SHISA9: variants seen among roughly 807,000 people sequenced by gnomAD.
The protein encoded by SHISA9 is protein shisa-9.
A neutral mutation model predicts 38.0 loss-of-function variants in SHISA9; 13 were observed. The observed-to-expected ratio is 0.34, with a 90% CI of 0.22 to 0.54. SHISA9 has a LOEUF of 0.54. Among genes scored for constraint, SHISA9 ranks in the 20% least tolerant of loss-of-function variants. The pLI is 0.91. For missense variants in SHISA9, 538 were observed against 575.8 expected, an observed-to-expected ratio of 0.93 and a Z score of 0.67; for synonymous variants, 275 against 242.0, an observed-to-expected ratio of 1.14 and a Z score of -1.27.
At chr16:12,967,012 G>A (rs1400076935) in intron 2 of SHISA9, among the ~76,000 whole-genome samples, 1 of 152,176 alleles carries the variant, frequency 6.6e-6, no homozygotes, top group Admixed American at 6.5e-5. Flanking sequence ...ACATGGTCCT[G>A]TTCTAGAACT....
the SHISA9 span, among the ~76,000 whole-genome samples, chr16:13,280,341 G>C: frequency 4.0e-4 from 60 of 151,208 alleles, no homozygotes; most frequent in Non-Finnish European, 8.6e-4. Flanking sequence ...ATTGCTTTAG[G>C]CTTAAATAAC....
chr16:13,110,688 G>C (rs1056418170), intron 2 of SHISA9, among the ~76,000 whole-genome samples: 2 of 152,216 alleles, frequency 1.3e-5, no homozygotes, highest in African/African-American at 4.8e-5. Flanking sequence ...GCCAGCCAAA[G>C]AGCTGTGATG....
At chr16:13,073,888 C>T (rs1202275485) in intron 2 of SHISA9, among the ~76,000 whole-genome samples, 2 of 152,022 alleles carry the variant, frequency 1.3e-5, no homozygotes. Flanking sequence ...CCAGAAGAAA[C>T]CAAGTCTGTG....
the SHISA9 span, among the ~76,000 whole-genome samples, chr16:13,278,980 G>A: frequency 6.6e-6 from 1 of 151,956 alleles, no homozygotes; most frequent in East Asian, 1.9e-4. Flanking sequence ...TGTTTTTCTA[G>A]TCCCTTGAGG....
chr16:13,217,242 C>G (rs1465862371), intron 4 of SHISA9, among the ~76,000 whole-genome samples: 1 of 152,046 alleles, frequency 6.6e-6, no homozygotes, highest in African/African-American at 2.4e-5. Flanking sequence ...CTTGCCACTG[C>G]ACCCCAGCCT....
the SHISA9 span, among the ~76,000 whole-genome samples, chr16:13,505,835 C>T: frequency 6.6e-6 from 1 of 152,190 alleles, no homozygotes; most frequent in Non-Finnish European, 1.5e-5. Context: ...TTGCAGAAAC[C>T]TTTGTCCCCC....
chr16:13,083,717 A>G (rs1375635188), intron 2 of SHISA9, among the ~76,000 whole-genome samples: 2 of 152,140 alleles, frequency 1.3e-5, no homozygotes, highest in Non-Finnish European at 2.9e-5. Flanking sequence ...TGCCTTGTCT[A>G]TGGGCTGCTT....
At chr16:12,974,410 T>C (rs2141815735) in intron 2 of SHISA9, among the ~76,000 whole-genome samples, 1 of 150,544 alleles carries the variant, frequency 6.6e-6, no homozygotes, top group East Asian at 2.0e-4. Context: ...ACACAGACTA[T>C]AGTTTCTAAA....
intron 2 of SHISA9, among the ~76,000 whole-genome samples, chr16:12,972,996 A>G (rs2072104636): frequency 6.6e-6 from 1 of 152,066 alleles, no homozygotes; most frequent in Non-Finnish European, 1.5e-5. Flanking sequence ...GGTGCCTGTA[A>G]TCCCAGCTAC....
chr16:13,081,799 G>C, intron 2 of SHISA9, among the ~76,000 whole-genome samples: 1 of 150,224 alleles, frequency 6.7e-6, no homozygotes, highest in Non-Finnish European at 1.5e-5. Flanking sequence ...TTGCAGTGAG[G>C]CAAGATTGCG....
chr16:13,052,006 G>A (rs554937533), intron 2 of SHISA9, among the ~76,000 whole-genome samples: 3 of 152,144 alleles, frequency 2.0e-5, no homozygotes, highest in African/African-American at 2.4e-5. Flanking sequence ...CTCGTGATCC[G>A]CCTGCCTCGG....
downstream of SHISA9, among the ~76,000 whole-genome samples, chr16:13,244,741 G>T (rs903520995): frequency 6.6e-6 from 1 of 152,194 alleles, no homozygotes; most frequent in Non-Finnish European, 1.5e-5. Context: ...AGGGTCAGCT[G>T]TATATGTGCT....
At chr16:13,211,964 T>C (rs550943036) in intron 3 of SHISA9, among the ~76,000 whole-genome samples, 6 of 152,126 alleles carry the variant, frequency 3.9e-5, no homozygotes, top group Non-Finnish European at 5.9e-5. Flanking sequence ...CCGACTCAGT[T>C]TTAACTTCCT....
At chr16:13,048,191 T>A (rs1045815719) in intron 2 of SHISA9, among the ~76,000 whole-genome samples, 1 of 152,228 alleles carries the variant, frequency 6.6e-6, no homozygotes, top group Non-Finnish European at 1.5e-5. Flanking sequence ...TGTTTTCCCA[T>A]ATACTCCTGT....
chr16:13,372,143 T>G, the SHISA9 span, among the ~76,000 whole-genome samples: 17 of 152,354 alleles, frequency 1.1e-4, no homozygotes, highest in East Asian at 3.3e-3. Flanking sequence ...GGGAGTATCA[T>G]GGAAGTACCC....
the SHISA9 span, among the ~76,000 whole-genome samples, chr16:13,296,891 C>CAAAAAAAAAAAAAAAAAAAAA: frequency 3.8e-5 from 1 of 26,588 alleles, no homozygotes; most frequent in African/African-American, 1.5e-4. Context: ...AACTCCATCT[C>CAAAAAAAAAAAAAAAAAAAAA]AAAAAAAAAA....
chr16:12,943,320 TGTGTGTGTGTGAGAGAGAGAGAGA>T (rs2071642564), intron 2 of SHISA9, among the ~76,000 whole-genome samples: 4 of 23,642 alleles, frequency 1.7e-4, no homozygotes, highest in African/African-American at 4.3e-4. Context: ...TGTGTGTGTG[TGTGTGTGTGTGAGAGAGAGAGAGA>T]GAGAGAGAGA....
At chr16:13,195,642 A>T (rs1213469434) in intron 2 of SHISA9, among the ~76,000 whole-genome samples, 1 of 152,214 alleles carries the variant, frequency 6.6e-6, no homozygotes, top group East Asian at 1.9e-4. Flanking sequence ...AATCTGTCCA[A>T]CACTTCCTAA....
chr16:13,476,873 C>T, the SHISA9 span, among the ~76,000 whole-genome samples: 5 of 151,434 alleles, frequency 3.3e-5, no homozygotes, highest in African/African-American at 7.3e-5. Context: ...CTCAGCCTCC[C>T]GAGTAGCTGG....
Sources: gnomAD v4.1 joint callset for allele counts (sites outside exome capture counted in the v4.1 genomes callset) on GRCh38, gnomAD v4.1.1 for gene constraint, MANE v1.5 for transcripts, NCBI Gene and HGNC (gene_info 2026-07-23, HGNC 2026-07-21) for gene names.